NFASC: variants seen among roughly 807,000 people sequenced by gnomAD.
NFASC encodes the protein neurofascin, also known as neurofascin homolog.
A neutral mutation model predicts 147.5 loss-of-function variants in NFASC; 43 were observed. The observed-to-expected ratio is 0.29, with a 90% CI of 0.23 to 0.38. The LOEUF is 0.38. NFASC is among the 10% of genes least tolerant of loss of function. The probability of loss-of-function intolerance (pLI) is 1.00; values close to 1 mark genes in which losing one functional copy is unlikely to be tolerated. For synonymous variants in NFASC, 622 were observed against 665.5 expected (o/e 0.93, Z 1.01); for missense variants, 1,320 against 1,689.0 (o/e 0.78, Z 3.83).
chr1:204,944,421 A>G lies in NFASC; in HGVS notation c.91+15A>G, dbSNP rs373013460. ...TCCTATGGATCGTGAGTCCTGCCCC[A>G]TTCTCTTCTCTTTTTTTTCCTGATT... On this transcript the variant is annotated intron_variant, in intron 3 of 29. Transcript: ENST00000339876. The G allele has an allele frequency of 2.9e-4, 353 of 1,211,466 alleles. No individual in the cohort carries two copies. Among genetic ancestry groups the G allele is most frequent in the Non-Finnish European group, 3.6e-4 (335 of 918,662 alleles). 75.0% of individuals were successfully genotyped at this position (1,211,466 alleles called of 1,614,324 possible). A position where few individuals can be genotyped will look rare whatever the true frequency, so the allele number is the denominator to read the frequency against.
At position 204,977,743 on chromosome 1, in the gene NFASC, C is replaced by T; in HGVS notation, c.1876+18C>T. On this transcript the variant is annotated intron_variant, in intron 17 of 29. Coordinates refer to ENST00000339876, the MANE Select transcript of NFASC (RefSeq NM_001005388.3). ...GCCCAAAGGTAATTCCCACTAATCA[C>T]AGTCCCCTGCCAGTGCCCTCTCTTG... The T allele has an allele frequency of 6.2e-7, 1 of 1,604,758 alleles. No individual in the cohort carries two copies. Among genetic ancestry groups the T allele is most frequent in the Non-Finnish European group, 8.5e-7 (1 of 1,172,792 alleles).
rs376436556 is a variant in NFASC at position 204,976,667 on chromosome 1, G to A, written c.1707-4G>A. ...CTCCCAACCCTTCCTCGGTACCTTT[G>A]CAGGATGAAGAAGGAAGACGACTCC... On this transcript the variant is annotated splice_region_variant and splice_polypyrimidine_tract_variant and intron_variant, in intron 15 of 29. Transcript: ENST00000339876. 1.9e-6 allele frequency: 3 copies of A among 1,609,438 alleles called. No homozygotes were observed. The African/African-American group carries it at 4.0e-5, about 21-fold the overall frequency.
At chr1:204,835,610 G>A (rs1448475501) in intron 1 of NFASC, among the ~76,000 whole-genome samples, 1 of 152,168 alleles carries the variant, frequency 6.6e-6, no homozygotes, top group East Asian at 1.9e-4. Context: ...GGACTATGTA[G>A]AGGATCTTTG....
chr1:204,945,536 G>A (rs2093665168), intron 3 of NFASC, among the ~76,000 whole-genome samples: 1 of 152,140 alleles, frequency 6.6e-6, no homozygotes, highest in South Asian at 2.1e-4. Flanking sequence ...CCAGAGGAGG[G>A]GACTTTTTGG....
At position 205,019,167 on chromosome 1, in the gene NFASC, T is replaced by C. The variant is rs2096383333; in HGVS notation, c.*2628T>C. On this transcript the variant is annotated 3_prime_UTR_variant, in exon 30 of 30. Transcript: ENST00000339876. ...ACGCTGAGGCGTGGGGATTGCAGGA[T>C]TCAGGAGGCAGCCCCTTTGGGGAAG... 6.6e-6 allele frequency: 1 copy of C among 152,256 alleles called. No homozygotes were observed. Among genetic ancestry groups the C allele is most frequent in the Non-Finnish European group, 1.5e-5 (1 of 68,064 alleles). 9.4% of individuals were successfully genotyped at this position (152,256 alleles called of 1,614,324 possible). A position where few individuals can be genotyped will look rare whatever the true frequency, so the allele number is the denominator to read the frequency against.
intron 1 of NFASC, among the ~76,000 whole-genome samples, chr1:204,855,991 T>C (rs1429321593): frequency 1.3e-5 from 2 of 152,176 alleles, no homozygotes. Context: ...AAGCAACTAT[T>C]ATCATTATCC....
intron 21 of NFASC, chr1:204,984,369 G>GTATATATATACGCATATATATATA (rs2095567140): frequency 5.6e-6 from 1 of 179,454 alleles, no homozygotes; most frequent in Non-Finnish European, 1.1e-5. Context: ...GTGTGTGTGT[G>GTATATATATACGCATATATATATA]TATATATATA....
Position 204,957,783 on chromosome 1 carries a change from C to T in NFASC, c.663C>T (p.His221=), listed in dbSNP as rs61741836. The part of the protein sequence containing the change: ...YSCNARFHFT[H]TIQQKNPFTL... ...GTAACGCCCGCTTCCACTTCACCCACACCATCCAGCAGAAGAACCCTTTCA... is the reference window on the plus strand; with the variant it reads ...GTAACGCCCGCTTCCACTTCACCCATACCATCCAGCAGAAGAACCCTTTCA... The change falls in exon 8 of 30, where the codon CAC becomes CAT. Residue 221 remains histidine (H), a synonymous_variant. Coordinates refer to ENST00000339876, the MANE Select transcript of NFASC (RefSeq NM_001005388.3). 1.5e-4 allele frequency: 240 copies of T among 1,614,070 alleles called. No individual in the cohort carries two copies. Among genetic ancestry groups the T allele is most frequent in the Non-Finnish European group, 2.0e-4 (234 of 1,180,026 alleles).
At chr1:204,902,017 TC>T (rs2084733146) in intron 1 of NFASC, among the ~76,000 whole-genome samples, 1 of 151,794 alleles carries the variant, frequency 6.6e-6, no homozygotes, top group African/African-American at 2.4e-5. Flanking sequence ...CCCCAGTTTC[TC>T]TAAAAAAAAA....
intron 21 of NFASC, among the ~76,000 whole-genome samples, chr1:204,985,375 G>T (rs115936358): frequency 6.6e-6 from 1 of 152,310 alleles, no homozygotes; most frequent in East Asian, 1.9e-4. Flanking sequence ...AATATGAAAA[G>T]AAGTCATTTT....
chr1:204,889,201 G>A (rs1299109160), intron 1 of NFASC, among the ~76,000 whole-genome samples: 1 of 152,134 alleles, frequency 6.6e-6, no homozygotes, highest in Non-Finnish European at 1.5e-5. Context: ...TACATTTAAG[G>A]AAACTTAAAA....
chr1:205,002,640 C>G lies in NFASC; in HGVS notation c.3181C>G (p.Pro1061Ala), dbSNP rs2096014646. 1.3e-6 allele frequency: 2 copies of G among 1,572,772 alleles called. No individual in the cohort carries two copies. Among genetic ancestry groups the G allele is most frequent in the Non-Finnish European group, 1.7e-6 (2 of 1,150,234 alleles). ...TGTCCCAGTTAAGGCCCAGGCTCAG[C>G]CTATACAGCTGACAGACCTCTATCC... ...KTVPVKAQAQ[P>A]IQLTDLYPGM... Residue 1061 changes from proline (P) to alanine (A), a missense_variant, in exon 27 of 30, where the codon CCT (proline) becomes GCT (alanine). Transcript: ENST00000339876.
chr1:204,851,925 C>G (rs2075730250), intron 1 of NFASC, among the ~76,000 whole-genome samples: 1 of 152,130 alleles, frequency 6.6e-6, no homozygotes, highest in Non-Finnish European at 1.5e-5. Context: ...CTTTGATGCT[C>G]TGGAATTCTA....
chr1:205,011,925 A>T (rs2096261229), intron 28 of NFASC, among the ~76,000 whole-genome samples: 1 of 152,220 alleles, frequency 6.6e-6, no homozygotes, highest in Non-Finnish European at 1.5e-5. Context: ...CTAAAAATAC[A>T]AAAATGAGCC....
chr1:205,003,611 G>C (rs1011190206), intron 27 of NFASC, among the ~76,000 whole-genome samples: 1 of 152,150 alleles, frequency 6.6e-6, no homozygotes, highest in African/African-American at 2.4e-5. Flanking sequence ...TGGGGAAAGA[G>C]ATTAAGAGAG....
At chr1:204,997,508 G>A in intron 25 of NFASC, 102 bp downstream of exon 25, 1 of 1,346,114 alleles carries the variant, frequency 7.4e-7, no homozygotes, top group South Asian at 1.3e-5. Context: ...GGGGTCTGGG[G>A]TGGTGTTTGC....
intron 1 of NFASC, among the ~76,000 whole-genome samples, chr1:204,835,213 C>CTTTTT (rs1001302661): frequency 2.9e-4 from 23 of 80,584 alleles, no homozygotes; most frequent in Non-Finnish European, 3.8e-4. Context: ...TGAGGTGGGT[C>CTTTTT]TTTTTTTTTT....
chr1:204,985,806 G>T (rs1316259410), intron 21 of NFASC: 2 of 729,096 alleles, frequency 2.7e-6, no homozygotes, highest in Non-Finnish European at 4.8e-6. Context: ...TTTGGGACTT[G>T]GAGGCTGTAG....
At chr1:204,917,931 T>C (rs2089643825) in intron 1 of NFASC, among the ~76,000 whole-genome samples, 1 of 152,212 alleles carries the variant, frequency 6.6e-6, no homozygotes, top group African/African-American at 2.4e-5. Context: ...TTTCTAGGCC[T>C]TACAGTGAAC....
Sources: gnomAD v4.1 joint callset for allele counts (sites outside exome capture counted in the v4.1 genomes callset) on GRCh38, gnomAD v4.1.1 for gene constraint, MANE v1.5 for transcripts, NCBI Gene and HGNC (gene_info 2026-07-23, HGNC 2026-07-21) for gene names.